The following PRKX variants were observed in gnomAD, a reference collection of about 807,000 sequenced individuals.
PRKX encodes cAMP-dependent protein kinase catalytic subunit PRKX.
Under a neutral mutation model 22.0 loss-of-function variants are expected in PRKX, and 12 were observed. That is an observed-to-expected ratio of 0.54 (90% CI 0.35 to 0.88). The LOEUF is 0.88. Among genes scored for constraint, PRKX ranks in the 40% least tolerant of loss-of-function variants. The pLI, the probability that PRKX is intolerant of heterozygous loss-of-function variation, is 0.01. For missense variants in PRKX, 217 were observed against 308.0 expected (o/e 0.70, Z 2.21); for synonymous variants, 134 against 137.7 (o/e 0.97, Z 0.19).
chrX:3,695,222 T>C (rs1179939126), intron 1 of PRKX, among the ~76,000 whole-genome samples: 1 of 111,389 alleles, frequency 9.0e-6, no homozygotes, highest in African/African-American at 3.3e-5. Flanking sequence ...TCTAATTTAT[T>C]TAATGCAATG....
At chrX:3,677,592 T>C (rs947389132) in intron 1 of PRKX, among the ~76,000 whole-genome samples, 4 of 111,447 alleles carry the variant, frequency 3.6e-5, no homozygotes, top group Non-Finnish European at 5.6e-5. Flanking sequence ...TGGAATGCCA[T>C]TGATTGCACA....
intron 1 of PRKX, among the ~76,000 whole-genome samples, chrX:3,687,421 G>A (rs1475463095): frequency 1.8e-5 from 2 of 112,124 alleles, no homozygotes. Context: ...TGATGTCAAA[G>A]TAACTTGGAT....
intron 2 of PRKX, among the ~76,000 whole-genome samples, chrX:3,666,152 A>ATTT (rs34567097): frequency 3.1e-4 from 21 of 68,106 alleles, no homozygotes; most frequent in African/African-American, 1.0e-3. Context: ...TGAACTGTAC[A>ATTT]TTTTTTTTTT....
intron 1 of PRKX, among the ~76,000 whole-genome samples, chrX:3,706,289 A>C (rs930399656): frequency 1.8e-5 from 2 of 110,775 alleles, no homozygotes; most frequent in Non-Finnish European, 3.8e-5. Context: ...GGCTCAAGCA[A>C]TCCTCCTGCC....
At chrX:3,660,281 GGA>G (rs1265285306) in intron 2 of PRKX, among the ~76,000 whole-genome samples, 12 of 111,881 alleles carry the variant, frequency 1.1e-4, no homozygotes, top group Non-Finnish European at 2.1e-4. Context: ...CAAGGTGGAA[GGA>G]AAATTTAGCT....
intron 2 of PRKX, among the ~76,000 whole-genome samples, chrX:3,672,433 C>G (rs1269497277): frequency 1.8e-5 from 2 of 111,302 alleles, no homozygotes; most frequent in African/African-American, 6.5e-5. Flanking sequence ...GAAAGGAGAA[C>G]TACCTAACTA....
intron 2 of PRKX, among the ~76,000 whole-genome samples, chrX:3,660,270 G>A (rs908126208): frequency 1.8e-5 from 2 of 111,715 alleles, no homozygotes; most frequent in African/African-American, 3.3e-5. Flanking sequence ...TCTTCAGGGC[G>A]CAAGGTGGAA....
intron 3 of PRKX, among the ~76,000 whole-genome samples, chrX:3,653,635 ATG>A (rs1927387027): frequency 1.4e-5 from 1 of 72,360 alleles, no homozygotes; most frequent in Admixed American, 2.2e-4. Context: ...ATAATATACT[ATG>A]TAATATATAT....
At chrX:3,660,103 T>C (rs1002098079) in intron 2 of PRKX, among the ~76,000 whole-genome samples, 2 of 112,315 alleles carry the variant, frequency 1.8e-5, no homozygotes, top group Non-Finnish European at 3.7e-5. Context: ...CTCAAATGCA[T>C]GACAGTCAAA....
intron 4 of PRKX, among the ~76,000 whole-genome samples, chrX:3,639,989 A>G (rs1927038289): frequency 9.0e-6 from 1 of 111,372 alleles, no homozygotes; most frequent in African/African-American, 3.3e-5. Flanking sequence ...CACGCCTTCC[A>G]GGCAGGAGAA....
At chrX:3,620,652 C>G (rs6641803) in intron 6 of PRKX, among the ~76,000 whole-genome samples, 19,398 of 111,795 alleles carry the variant, frequency 0.17, 1,521 homozygotes, top group African/African-American at 0.3. Flanking sequence ...AACTGCGCAA[C>G]TAAGGGATTT....
intron 4 of PRKX, among the ~76,000 whole-genome samples, chrX:3,631,191 G>A (rs770953945): frequency 1.8e-5 from 2 of 112,085 alleles, no homozygotes; most frequent in East Asian, 2.8e-4. Context: ...TGGAGTGGAC[G>A]GAATGAGAGG....
At chrX:3,694,520 G>C (rs1333330144) in intron 1 of PRKX, among the ~76,000 whole-genome samples, 1 of 110,879 alleles carries the variant, frequency 9.0e-6, no homozygotes, top group Admixed American at 9.6e-5. Flanking sequence ...ACAAGCCCAG[G>C]GATGCCTGGA....
At chrX:3,710,604 G>A (rs2146617293) in intron 1 of PRKX, among the ~76,000 whole-genome samples, 1 of 111,665 alleles carries the variant, frequency 9.0e-6, no homozygotes, top group South Asian at 3.7e-4. Context: ...GAACTCCTGA[G>A]CACAAGTGAT....
At chrX:3,618,618 T>C (rs1287523436) in intron 6 of PRKX, among the ~76,000 whole-genome samples, 3 of 107,484 alleles carry the variant, frequency 2.8e-5, no homozygotes, top group Non-Finnish European at 5.8e-5. Flanking sequence ...CATGTGTTAA[T>C]TTAAAAAAAA....
At chrX:3,674,434 T>A (rs915711953) in intron 2 of PRKX, among the ~76,000 whole-genome samples, 164 bp downstream of exon 2, 1 of 111,263 alleles carries the variant, frequency 9.0e-6, no homozygotes, top group African/African-American at 3.3e-5. Context: ...CTGGAGGTAT[T>A]CCAGCTCTAA....
In PRKX at chrX:3,604,810, T is replaced by A. The variant is rs1926126468; in HGVS notation, c.*4159A>T. ...AAACACAATTGTAATGCCTTTTACA[T>A]ACAGAACAGACGTGTCCACCATGGA... On this transcript the variant is annotated 3_prime_UTR_variant, in exon 9 of 9. Coordinates refer to ENST00000262848, the MANE Select transcript of PRKX (RefSeq NM_005044.5). 1 of 111,659 alleles carries A rather than the reference T, an allele frequency of 9.0e-6. No individual in the cohort carries two copies. Among genetic ancestry groups the A allele is most frequent in the South Asian group, 3.8e-4 (1 of 2,649 alleles). 9.2% of individuals were successfully genotyped at this position (111,659 alleles called of 1,213,427 possible).
chrX:3,615,208 G>A (rs1926394891), intron 7 of PRKX, among the ~76,000 whole-genome samples: 2 of 108,849 alleles, frequency 1.8e-5, no homozygotes, highest in Middle Eastern at 4.8e-3. Flanking sequence ...CTGTAGAGGC[G>A]GGATTTCACC....
At chrX:3,648,388 G>A (rs1841515409) in intron 3 of PRKX, among the ~76,000 whole-genome samples, 1 of 109,558 alleles carries the variant, frequency 9.1e-6, no homozygotes, top group Non-Finnish European at 1.9e-5. Flanking sequence ...ACCCAGGCTG[G>A]GTTTTTTTTT....
Sources: allele counts gnomAD v4.1 joint callset (sites outside exome capture counted in the v4.1 genomes callset), GRCh38; gene constraint gnomAD v4.1.1; transcripts MANE v1.5; gene names NCBI Gene and HGNC (gene_info 2026-07-23, HGNC 2026-07-21).